RBMS3: variants seen among roughly 807,000 people sequenced by gnomAD.
RBMS3 encodes RNA binding motif single stranded interacting protein 3, also known as RNA-binding motif, single-stranded-interacting protein 3.
A neutral mutation model predicts 66.8 loss-of-function variants in RBMS3; 27 were observed. The observed-to-expected ratio is 0.40, with a 90% confidence interval of 0.30 to 0.56. The LOEUF (loss-of-function observed/expected upper bound fraction) is 0.56. RBMS3 is among the 20% of genes least tolerant of loss of function. The pLI is 0.40. For synonymous variants in RBMS3, 188 were observed against 183.0 expected (o/e 1.03, Z -0.22); for missense variants, 513 against 549.5 (o/e 0.93, Z 0.66).
At chr3:29,388,775 A>G (rs897702120) in intron 1 of RBMS3, among the ~76,000 whole-genome samples, 1 of 152,194 alleles carries the variant, frequency 6.6e-6, no homozygotes, top group African/African-American at 2.4e-5. Flanking sequence ...CATGTTAGCC[A>G]GGATGGTCTC....
At chr3:29,553,025 A>T (rs1047193894) in intron 3 of RBMS3, among the ~76,000 whole-genome samples, 1 of 152,114 alleles carries the variant, frequency 6.6e-6, no homozygotes, top group Non-Finnish European at 1.5e-5. Context: ...AATAGGCCTG[A>T]TAGTGAATAG....
chr3:29,842,456 GAAACGATTT>G (rs1449854673), intron 6 of RBMS3, among the ~76,000 whole-genome samples: 2 of 152,074 alleles, frequency 1.3e-5, no homozygotes, highest in Non-Finnish European at 2.9e-5. Context: ...GACCTTATAT[GAAACGATTT>G]AATGGCTCAA....
At chr3:29,359,457 A>G (rs890109999) in intron 1 of RBMS3, among the ~76,000 whole-genome samples, 6 of 152,184 alleles carry the variant, frequency 3.9e-5, no homozygotes, top group Non-Finnish European at 8.8e-5. Flanking sequence ...CCAGTATTTT[A>G]TTGAGGATTT....
intron 11 of RBMS3, among the ~76,000 whole-genome samples, chr3:29,937,920 G>A (rs2061307533): frequency 6.6e-6 from 1 of 151,822 alleles, no homozygotes; most frequent in Admixed American, 6.6e-5. Flanking sequence ...GTGTCCTTCA[G>A]TGATCATAAA....
chr3:29,958,048 C>T (rs910538054), intron 12 of RBMS3, among the ~76,000 whole-genome samples: 4 of 152,076 alleles, frequency 2.6e-5, no homozygotes, highest in East Asian at 1.9e-4. Flanking sequence ...ACTATTACAT[C>T]GAGAGCTTAC....
chr3:29,815,723 G>A (rs2057869531), intron 6 of RBMS3, among the ~76,000 whole-genome samples: 1 of 152,038 alleles, frequency 6.6e-6, no homozygotes, highest in South Asian at 2.1e-4. Flanking sequence ...TTATAAGTGG[G>A]AGCTAAGCTA....
intron 1 of RBMS3, among the ~76,000 whole-genome samples, chr3:29,302,624 AATC>A (rs2033756443): frequency 6.6e-6 from 1 of 152,080 alleles, no homozygotes; most frequent in Admixed American, 6.6e-5. Flanking sequence ...TATCTAACTT[AATC>A]AGTAATTTTA....
chr3:29,328,098 C>T (rs2035444096), intron 1 of RBMS3, among the ~76,000 whole-genome samples: 1 of 152,190 alleles, frequency 6.6e-6, no homozygotes, highest in African/African-American at 2.4e-5. Context: ...TTATGTCTTG[C>T]TAATGGCACC....
chr3:29,524,895 A>T (rs113814517), intron 3 of RBMS3, among the ~76,000 whole-genome samples: 95 of 152,012 alleles, frequency 6.2e-4, no homozygotes, highest in African/African-American at 1.6e-3. Context: ...TCTAAAAAAA[A>T]TTTTTTTTAA....
At chr3:29,611,925 T>C (rs1559508344) in intron 4 of RBMS3, among the ~76,000 whole-genome samples, 2 of 152,022 alleles carry the variant, frequency 1.3e-5, no homozygotes, top group Admixed American at 6.6e-5. Flanking sequence ...CCAATGTACA[T>C]ATATTAATGG....
chr3:29,654,829 C>A (rs1378495571), intron 4 of RBMS3, among the ~76,000 whole-genome samples: 2 of 150,746 alleles, frequency 1.3e-5, no homozygotes, highest in East Asian at 3.9e-4. Context: ...AACTCCTGGG[C>A]TCAAGCAATC....
chr3:29,741,264 G>T (rs961394852), intron 5 of RBMS3, among the ~76,000 whole-genome samples: 2 of 152,168 alleles, frequency 1.3e-5, no homozygotes, highest in Non-Finnish European at 2.9e-5. Context: ...GAAATAAACA[G>T]AATGAAGAAA....
chr3:29,990,567 T>TACCAGAAAA (rs1698788043), intron 13 of RBMS3, among the ~76,000 whole-genome samples: 1 of 151,770 alleles, frequency 6.6e-6, no homozygotes, highest in Non-Finnish European at 1.5e-5. Flanking sequence ...TCAGTTCATA[T>TACCAGAAAA]ACCAGAAAAC....
chr3:29,314,445 G>A (rs2034557748), intron 1 of RBMS3, among the ~76,000 whole-genome samples: 1 of 151,668 alleles, frequency 6.6e-6, no homozygotes, highest in Non-Finnish European at 1.5e-5. Context: ...CTGCTGGAAG[G>A]CAGCAGGCAT....
chr3:29,988,366 G>GTATA (rs2149795297), intron 13 of RBMS3, 143 bp downstream of exon 13: 2 of 649,658 alleles, frequency 3.1e-6, no homozygotes, highest in East Asian at 5.8e-5. Context: ...GTGTATGAAA[G>GTATA]TATAAACATT....
At chr3:29,395,539 A>G (rs1011264165) in intron 1 of RBMS3, among the ~76,000 whole-genome samples, 8 of 152,214 alleles carry the variant, frequency 5.3e-5, no homozygotes, top group Non-Finnish European at 7.3e-5. Context: ...ATGCTTCTCC[A>G]TCATTGTCAT....
chr3:29,624,134 C>T (rs1386745236), intron 4 of RBMS3, among the ~76,000 whole-genome samples: 1 of 152,194 alleles, frequency 6.6e-6, no homozygotes, highest in African/African-American at 2.4e-5. Context: ...TGTAAATATG[C>T]TCTTAGGCAT....
At chr3:29,757,650 T>C (rs1366088141) in intron 5 of RBMS3, among the ~76,000 whole-genome samples, 1 of 152,228 alleles carries the variant, frequency 6.6e-6, no homozygotes, top group Non-Finnish European at 1.5e-5. Flanking sequence ...AGTTTTCTGA[T>C]AATTTTAATG....
At chr3:29,417,553 C>A (rs1466727546) in intron 1 of RBMS3, among the ~76,000 whole-genome samples, 1 of 152,036 alleles carries the variant, frequency 6.6e-6, no homozygotes, top group Admixed American at 6.5e-5. Context: ...ATATTGGTAT[C>A]CCTTAGTATG....
Sources: gnomAD v4.1 joint callset for allele counts (sites outside exome capture counted in the v4.1 genomes callset) on GRCh38, gnomAD v4.1.1 for gene constraint, MANE v1.5 for transcripts, NCBI Gene and HGNC (gene_info 2026-07-23, HGNC 2026-07-21) for gene names.